Variants in PPARGC1A observed in about 807,000 individuals in gnomAD.
The protein encoded by PPARGC1A is PPARG coactivator 1 alpha.
A neutral mutation model predicts 88.7 loss-of-function variants in PPARGC1A; 25 were observed. The ratio of observed to expected loss-of-function variants is 0.28; its 90% confidence interval spans 0.21 to 0.39. PPARGC1A has a LOEUF of 0.39. Among genes scored for constraint, PPARGC1A ranks in the 10% least tolerant of loss-of-function variants. PPARGC1A has a pLI of 1.00. For synonymous variants in PPARGC1A, 363 were observed against 355.6 expected, an observed-to-expected ratio of 1.02 and a Z score of -0.24; for missense variants, 880 against 968.7, an observed-to-expected ratio of 0.91 and a Z score of 1.22.
chr4:24,256,251 G>A, the PPARGC1A span, among the ~76,000 whole-genome samples: 1 of 152,118 alleles, frequency 6.6e-6, no homozygotes, highest in Non-Finnish European at 1.5e-5. Context: ...TTGTTTCAAA[G>A]GAGACATGGA....
the PPARGC1A span, among the ~76,000 whole-genome samples, chr4:24,285,646 C>T: frequency 2.0e-5 from 3 of 152,172 alleles, no homozygotes; most frequent in Non-Finnish European, 4.4e-5. Flanking sequence ...CTCTCCAAAT[C>T]CCATAATCTT....
At chr4:24,017,490 T>C in the PPARGC1A span, among the ~76,000 whole-genome samples, 2 of 151,124 alleles carry the variant, frequency 1.3e-5, no homozygotes, top group African/African-American at 4.9e-5. Context: ...ACCAGACAGA[T>C]CAAAAAAAGA....
intron 2 of PPARGC1A, among the ~76,000 whole-genome samples, chr4:23,850,376 AAT>A (rs1255440854): frequency 6.6e-6 from 1 of 152,220 alleles, no homozygotes; most frequent in African/African-American, 2.4e-5. Context: ...TGCTCAGAGT[AAT>A]ATTGTCATAA....
the PPARGC1A span, among the ~76,000 whole-genome samples, chr4:24,235,258 C>CAG: frequency 6.6e-6 from 1 of 152,164 alleles, no homozygotes; most frequent in Non-Finnish European, 1.5e-5. Context: ...ACGTGGTGAG[C>CAG]AGAAGCTCTT....
intron 2 of PPARGC1A, among the ~76,000 whole-genome samples, chr4:23,835,622 G>A (rs962924930): frequency 1.3e-5 from 2 of 152,072 alleles, no homozygotes; most frequent in African/African-American, 4.8e-5. Context: ...TGTTATCTCT[G>A]TATGTGGGTG....
At chr4:24,031,933 G>A in the PPARGC1A span, among the ~76,000 whole-genome samples, 2 of 152,172 alleles carry the variant, frequency 1.3e-5, no homozygotes, top group Non-Finnish European at 2.9e-5. Context: ...AGCCCAGAGA[G>A]GGGGAACTGG....
chr4:24,142,270 GA>G, the PPARGC1A span, among the ~76,000 whole-genome samples: 8 of 152,168 alleles, frequency 5.3e-5, no homozygotes. Context: ...AAGTAGAGAT[GA>G]AACGCTAATA....
At chr4:23,797,300 G>T (rs920655495) in intron 12 of PPARGC1A, among the ~76,000 whole-genome samples, 4 of 151,860 alleles carry the variant, frequency 2.6e-5, no homozygotes, top group African/African-American at 9.7e-5. Context: ...TGGTTTTCTT[G>T]TATTGCTAAG....
the PPARGC1A span, among the ~76,000 whole-genome samples, chr4:24,116,342 A>G: frequency 6.6e-6 from 1 of 152,222 alleles, no homozygotes. Context: ...TATACTCAAA[A>G]GCCATATCAA....
chr4:24,460,090 A>G, the PPARGC1A span, among the ~76,000 whole-genome samples: 1 of 152,204 alleles, frequency 6.6e-6, no homozygotes, highest in African/African-American at 2.4e-5. Context: ...AAGCTTTGGG[A>G]TGTTTAGAGA....
the PPARGC1A span, among the ~76,000 whole-genome samples, chr4:23,913,251 T>TA: frequency 5.0e-5 from 2 of 39,888 alleles, no homozygotes; most frequent in Admixed American, 3.2e-4. Context: ...TTTATATATA[T>TA]ATATATATAT....
the PPARGC1A span, among the ~76,000 whole-genome samples, chr4:24,191,124 G>A: frequency 6.6e-6 from 1 of 152,146 alleles, no homozygotes; most frequent in Non-Finnish European, 1.5e-5. Context: ...CATTAACAAG[G>A]CATGAAAAAG....
chr4:23,814,582 G>T lies in PPARGC1A; in HGVS notation c.901C>A (p.Pro301Thr). The change falls in exon 8 of 13, where the codon CCT becomes ACT. Residue 301 changes from proline to threonine, a missense_variant. Transcript: ENST00000264867. The part of the protein sequence containing the change: ...TAGLTPPTTP[P>T]HKANQDNPFR... ...GGGTTATCTTGGTTGGCTTTATGAG[G>T]AGGAGTGGTGGGTGGAGTTAGGCCT... 1 of 1,598,200 alleles carries T rather than the reference G, an allele frequency of 6.3e-7. No individual in the cohort carries two copies.
the PPARGC1A span, among the ~76,000 whole-genome samples, chr4:24,135,857 T>C: frequency 2.0e-5 from 3 of 152,230 alleles, no homozygotes; most frequent in Non-Finnish European, 2.9e-5. Flanking sequence ...AATATGTTGC[T>C]TCTTCATGCA....
the PPARGC1A span, among the ~76,000 whole-genome samples, chr4:24,022,562 C>T: frequency 1.3e-5 from 2 of 152,064 alleles, no homozygotes; most frequent in African/African-American, 4.8e-5. Context: ...ATCCAGCATT[C>T]GTTGTGATGG....
chr4:24,165,266 T>C, the PPARGC1A span, among the ~76,000 whole-genome samples: 2 of 152,138 alleles, frequency 1.3e-5, no homozygotes, highest in African/African-American at 4.8e-5. Context: ...TGCATGAAAT[T>C]TGATCAAACT....
At chr4:23,964,534 T>C in the PPARGC1A span, among the ~76,000 whole-genome samples, 3 of 152,316 alleles carry the variant, frequency 2.0e-5, no homozygotes, top group East Asian at 5.8e-4. Flanking sequence ...CCAAGTCTGA[T>C]GTGTCTGCAG....
chr4:23,814,647 G>C, intron 7 of PPARGC1A, 42 bp from the exon 8 acceptor site: 1 of 1,416,664 alleles, frequency 7.1e-7, no homozygotes. Flanking sequence ...GAGAGAGAAA[G>C]AAAAGAGACA....
upstream of PPARGC1A, among the ~76,000 whole-genome samples, chr4:23,905,699 T>C (rs1221645649): frequency 6.6e-6 from 1 of 152,234 alleles, no homozygotes; most frequent in African/African-American, 2.4e-5. Flanking sequence ...TAGAAGTAAG[T>C]ATTATTACTA....
Sources: allele counts gnomAD v4.1 joint callset (sites outside exome capture counted in the v4.1 genomes callset), GRCh38; gene constraint gnomAD v4.1.1; transcripts MANE v1.5; gene names NCBI Gene and HGNC (gene_info 2026-07-23, HGNC 2026-07-21).